Variants in NUCKS1 observed in about 807,000 individuals in gnomAD.
NUCKS1 encodes nuclear casein kinase and cyclin dependent kinase substrate 1.
A neutral mutation model predicts 33.0 loss-of-function variants in NUCKS1; 2 were observed. The ratio of observed to expected loss-of-function variants is 0.06; its 90% CI spans 0.02 to 0.19. NUCKS1 has a LOEUF of 0.19. Ranked by LOEUF, NUCKS1 falls within the 10% of genes least tolerant of loss-of-function variation. NUCKS1 has a pLI of 1.00. For synonymous variants in NUCKS1, 106 were observed against 102.8 expected, an observed-to-expected ratio of 1.03 and a Z score of -0.19; for missense variants, 201 against 293.6, an observed-to-expected ratio of 0.68 and a Z score of 2.31.
Position 205,717,333 on chromosome 1 carries a change from T to C in NUCKS1, c.*947A>G, listed in dbSNP as rs896859769. ...ACTTTATTTGCTTAAAACCTAAACA[T>C]TGTCAGTTTGAAAAGAAATCCACTG... On this transcript the variant is annotated 3_prime_UTR_variant, in exon 7 of 7. Transcript: ENST00000367142. 7 of 987,228 alleles carry C rather than the reference T, an allele frequency of 7.1e-6. No homozygotes were observed. The highest frequency in any genetic ancestry group is 5.2e-5 in the African/African-American group (3 of 57,292). The allele number at this position is 987,228 out of a possible 1,614,324, so 61.2% of individuals were successfully genotyped here.
intron 1 of NUCKS1, among the ~76,000 whole-genome samples, chr1:205,729,987 C>T (rs1011523365): frequency 5.3e-5 from 8 of 150,838 alleles, no homozygotes; most frequent in Admixed American, 5.3e-4. Context: ...CTCCATTGCA[C>T]TCCAGCCTGG....
intron 4 of NUCKS1, among the ~76,000 whole-genome samples, chr1:205,723,142 A>G (rs1011320479): frequency 6.6e-6 from 1 of 152,224 alleles, no homozygotes; most frequent in Admixed American, 6.5e-5. Flanking sequence ...ATACTTGAAT[A>G]GGAGGGAAAG....
intron 1 of NUCKS1, among the ~76,000 whole-genome samples, chr1:205,733,077 C>A (rs1366350252): frequency 1.3e-5 from 2 of 152,036 alleles, no homozygotes; most frequent in Non-Finnish European, 2.9e-5. Context: ...ACATCTTATC[C>A]TCTAATAATT....
At chr1:205,734,868 C>T (rs1654000294) in intron 1 of NUCKS1, among the ~76,000 whole-genome samples, 1 of 152,002 alleles carries the variant, frequency 6.6e-6, no homozygotes, top group African/African-American at 2.4e-5. Context: ...GCACTCCAGC[C>T]TGGGTGATAG....
chr1:205,735,323 T>C (rs1654009292), intron 1 of NUCKS1, among the ~76,000 whole-genome samples: 1 of 152,218 alleles, frequency 6.6e-6, no homozygotes, highest in Non-Finnish European at 1.5e-5. Context: ...TACATGTTTG[T>C]AGTCTAGGAG....
At chr1:205,729,769 C>G in intron 1 of NUCKS1, 148 bp from the exon 2 acceptor site, 1 of 685,366 alleles carries the variant, frequency 1.5e-6, no homozygotes, top group Non-Finnish European at 2.6e-6. Flanking sequence ...CACCTGTAAT[C>G]CCAGCACTTT....
chr1:205,727,666 G>T, intron 3 of NUCKS1, 34 bp downstream of exon 3: 2 of 1,372,370 alleles, frequency 1.5e-6, no homozygotes, highest in Non-Finnish European at 2.1e-6. Context: ...AGTGGTAACA[G>T]TGTAAGCAGG....
intron 2 of NUCKS1, among the ~76,000 whole-genome samples, chr1:205,728,279 G>A (rs977620576): frequency 6.6e-6 from 1 of 151,852 alleles, no homozygotes; most frequent in African/African-American, 2.4e-5. Flanking sequence ...TACCTTAAAA[G>A]GAAATTATTT....
At chr1:205,720,740 C>T in intron 4 of NUCKS1, 87 bp from the exon 5 acceptor site, 1 of 1,335,244 alleles carries the variant, frequency 7.5e-7, no homozygotes, top group East Asian at 2.4e-5. Context: ...TGACTGAAAA[C>T]ATAACTGACT....
chr1:205,719,761 G>C, intron 5 of NUCKS1, 85 bp from the exon 6 acceptor site: 4 of 1,456,124 alleles, frequency 2.7e-6, no homozygotes, highest in Non-Finnish European at 2.8e-6. Context: ...AGAATGACTA[G>C]AGGATGGGAT....
intron 1 of NUCKS1, among the ~76,000 whole-genome samples, chr1:205,729,983 T>C (rs762783352): frequency 4.0e-5 from 6 of 149,870 alleles, no homozygotes; most frequent in South Asian, 2.1e-4. Context: ...ATACCTCCAT[T>C]GCACTCCAGC....
At chr1:205,739,151 A>G (rs1211125142) in intron 1 of NUCKS1, among the ~76,000 whole-genome samples, 1 of 152,244 alleles carries the variant, frequency 6.6e-6, no homozygotes, top group Non-Finnish European at 1.5e-5. Flanking sequence ...TATGCTCAAA[A>G]GGCCAAGTAA....
At chr1:205,736,233 T>C (rs1332867244) in intron 1 of NUCKS1, among the ~76,000 whole-genome samples, 1 of 152,194 alleles carries the variant, frequency 6.6e-6, no homozygotes, top group African/African-American at 2.4e-5. Context: ...ATTACAAGCA[T>C]GAGCCACCAC....
chr1:205,729,763 T>C, intron 1 of NUCKS1, 142 bp from the exon 2 acceptor site: 1 of 701,976 alleles, frequency 1.4e-6, no homozygotes, highest in Non-Finnish European at 2.5e-6. Flanking sequence ...GGCTCACACC[T>C]GTAATCCCAG....
At chr1:205,736,472 T>C (rs1654037673) in intron 1 of NUCKS1, among the ~76,000 whole-genome samples, 1 of 151,970 alleles carries the variant, frequency 6.6e-6, no homozygotes, top group South Asian at 2.1e-4. Flanking sequence ...TTAACAAATA[T>C]CCCTAGAAGA....
chr1:205,730,412 A>G (rs1212229579), intron 1 of NUCKS1, among the ~76,000 whole-genome samples: 1 of 152,174 alleles, frequency 6.6e-6, no homozygotes, highest in Non-Finnish European at 1.5e-5. Context: ...AAGAAAGCAT[A>G]GCATAAACCA....
chr1:205,717,809 G>A lies in NUCKS1; in HGVS notation c.*471C>T, dbSNP rs1671849561. On this transcript the variant is annotated 3_prime_UTR_variant, in exon 7 of 7. Coordinates refer to ENST00000367142, the MANE Select transcript of NUCKS1 (RefSeq NM_022731.5). ...GACAATTGATTTTTTAAAAGTCCAG[G>A]TAGAGAAAGGAGCAATCATTTTGAA... The A allele has an allele frequency of 1.0e-6, 1 of 985,216 alleles. No homozygotes were observed. Among genetic ancestry groups the A allele is most frequent in the Non-Finnish European group, 1.2e-6 (1 of 829,732 alleles). The allele number at this position is 985,216 out of a possible 1,614,324, so 61.0% of individuals were successfully genotyped here.
chr1:205,729,599 A>C lies in NUCKS1; in HGVS notation c.40T>G (p.Ser14Ala). 1.2e-6 allele frequency: 2 copies of C among 1,612,866 alleles called. No individual in the cohort carries two copies. Among genetic ancestry groups the C allele is most frequent in the Non-Finnish European group, 1.7e-6 (2 of 1,178,892 alleles). The change falls in exon 2 of 7, where the codon TCA becomes GCA. Residue 14 changes from serine (S) to alanine (A), a missense_variant. Physicochemically the swap from Ser to Ala is moderately conservative, Grantham distance 99 (BLOSUM62 1). Coordinates refer to ENST00000367142, the MANE Select transcript of NUCKS1 (RefSeq NM_022731.5). ...GCATCATCAGATTCCTGAAACTGTG[A>C]GTAATCAACAACCTTCCTATTTCTG... Reference protein sequence around the residue: ...PVRNRKVVDYSQFQESDDADE... With the variant: ...PVRNRKVVDYAQFQESDDADE...
chr1:205,743,127 G>A (rs569538099), intron 1 of NUCKS1, among the ~76,000 whole-genome samples: 4 of 152,234 alleles, frequency 2.6e-5, no homozygotes, highest in African/African-American at 4.8e-5. Context: ...ATGCGTAGGC[G>A]CAGTATCCCA....
Sources: gnomAD v4.1 joint callset for allele counts (sites outside exome capture counted in the v4.1 genomes callset) on GRCh38, gnomAD v4.1.1 for gene constraint, MANE v1.5 for transcripts, NCBI Gene and HGNC (gene_info 2026-07-23, HGNC 2026-07-21) for gene names.